Variants in MAGI1 observed in about 807,000 individuals in gnomAD.
MAGI1 encodes the protein membrane associated guanylate kinase, WW and PDZ domain containing 1.
In MAGI1, 58 loss-of-function variants were observed where a neutral mutation model predicts 139.9. That is an observed-to-expected ratio of 0.41 (90% confidence interval 0.34 to 0.52). The LOEUF is 0.52. Among genes scored for constraint, MAGI1 ranks in the 20% least tolerant of loss-of-function variants. The pLI, the probability that MAGI1 is intolerant of heterozygous loss-of-function variation, is 0.12. For synonymous variants in MAGI1, 812 were observed against 737.9 expected (o/e 1.10, Z -1.63); for missense variants, 1,874 against 1,901.6 (o/e 0.99, Z 0.27).
intron 1 of MAGI1, among the ~76,000 whole-genome samples, chr3:65,686,291 TTTTG>T (rs528874310): frequency 2.0e-3 from 310 of 152,146 alleles, no homozygotes; most frequent in African/African-American, 6.5e-3. Context: ...AGGGGTGTTT[TTTTG>T]TTTGTTTGTT....
At chr3:66,021,140 C>T (rs2067937699) in intron 1 of MAGI1, among the ~76,000 whole-genome samples, 1 of 152,126 alleles carries the variant, frequency 6.6e-6, no homozygotes, top group Non-Finnish European at 1.5e-5. Context: ...TAGACACTAG[C>T]CACAAGCAGA....
chr3:65,547,131 C>T (rs1212347563), intron 2 of MAGI1, among the ~76,000 whole-genome samples: 1 of 152,100 alleles, frequency 6.6e-6, no homozygotes. Flanking sequence ...AAACAATAAC[C>T]CCAAGATTTC....
chr3:65,614,128 C>T (rs926544364), intron 2 of MAGI1, among the ~76,000 whole-genome samples: 1 of 152,118 alleles, frequency 6.6e-6, no homozygotes, highest in African/African-American at 2.4e-5. Context: ...TCCACCACAC[C>T]TGAAAGCCCA....
intron 14 of MAGI1, among the ~76,000 whole-genome samples, chr3:65,384,213 T>C (rs1029434021): frequency 2.6e-5 from 4 of 152,242 alleles, no homozygotes; most frequent in African/African-American, 7.2e-5. Flanking sequence ...CAAAAATTAC[T>C]CTAAAACATC....
In MAGI1 at chr3:65,363,504, T is replaced by C. The variant is rs1320600398; in HGVS notation, c.3456A>G (p.Leu1152=). 1.2e-6 allele frequency: 2 copies of C among 1,613,884 alleles called. No individual in the cohort carries two copies. Among genetic ancestry groups the C allele is most frequent in the African/African-American group, 2.7e-5 (2 of 74,920 alleles). ...ACCTCTCCGCAGGACCGTCCTCTGC[T>C]AAGCGCAGAACATAGAGGTCCATGT... The part of the protein sequence containing the change: ...EYNMDLYVLR[L]AEDGPAERCG... Residue 1152 remains leucine (L), a synonymous_variant, in exon 21 of 23, where the codon TTA becomes TTG. Transcript: ENST00000402939.
intron 1 of MAGI1, among the ~76,000 whole-genome samples, chr3:65,895,947 T>C (rs553693261): frequency 5.0e-4 from 76 of 152,274 alleles, no homozygotes; most frequent in African/African-American, 1.6e-3. Context: ...TTGTTCTTTG[T>C]TGGAAACACT....
intron 1 of MAGI1, among the ~76,000 whole-genome samples, chr3:65,737,325 A>C (rs1351931582): frequency 1.3e-5 from 2 of 152,222 alleles, no homozygotes; most frequent in African/African-American, 2.4e-5. Flanking sequence ...TTTAAAATGA[A>C]TGGATGGATG....
rs533907355 is a variant in MAGI1 at position 65,810,923 on chromosome 3, G to C, written c.314-188835C>G. ...CTCCAGGCAGTACCTTCATTACCTT[G>C]CAAGTACATGGCATATAGTAGGTAC... On this transcript the variant is annotated intron_variant, in intron 1 of 22. Transcript: ENST00000402939. Among the ~76,000 whole-genome samples, 117 of 152,262 alleles carry C rather than the reference G, an allele frequency of 7.7e-4. 1 individual carries two copies. Among genetic ancestry groups the C allele is most frequent in the African/African-American group, 2.7e-3 (113 of 41,548 alleles).
intron 8 of MAGI1, among the ~76,000 whole-genome samples, chr3:65,440,962 A>G (rs534008057): frequency 9.2e-5 from 14 of 151,878 alleles, no homozygotes; most frequent in African/African-American, 3.4e-4. Context: ...GTATAAATAT[A>G]CATTATTTAT....
chr3:65,792,083 CACA>C (rs1453930176), intron 1 of MAGI1, among the ~76,000 whole-genome samples: 6 of 151,990 alleles, frequency 3.9e-5, no homozygotes, highest in African/African-American at 7.2e-5. Context: ...ATAAATTAGG[CACA>C]ACAAGAGATT....
At position 65,383,589 on chromosome 3, in the gene MAGI1, C is replaced by T. The variant is rs756501564; in HGVS notation, c.2451G>A (p.Trp817Ter). ...TAAATCCAAATCCAGTCTCTTTTCT[C>T]CAGAGGAAGATGTCCTGTTCCTGGT... ...PDYQEQDIFL[W>*]RKETGFGFRI... Residue 817 changes from tryptophan (W) to a stop codon, truncating the protein, a stop_gained, in exon 15 of 23, where the codon TGG becomes TGA. Transcript: ENST00000402939. LOFTEE classifies it high-confidence loss of function. 6.2e-7 allele frequency: 1 copy of T among 1,613,838 alleles called. No individual in the cohort carries two copies. The highest frequency in any genetic ancestry group is 2.2e-5 in the East Asian group (1 of 44,870).
rs531398892 is a variant in MAGI1 at position 65,360,478 on chromosome 3, G to A, written c.3634+721C>T. Reference sequence around the variant, plus strand: ...GATCATTGCTGTCTACTCAAATCAAGTCTAAAGATATGACAAAGGAACTCT... The same window carrying A: ...GATCATTGCTGTCTACTCAAATCAAATCTAAAGATATGACAAAGGAACTCT... On this transcript the variant is annotated intron_variant, in intron 22 of 22. Coordinates refer to ENST00000402939, the MANE Select transcript of MAGI1 (RefSeq NM_001033057.2). 5 of 984,252 alleles carry A rather than the reference G, an allele frequency of 5.1e-6. No individual in the cohort carries two copies. The South Asian group carries it at 2.4e-4, about 46-fold the overall frequency. The allele number at this position is 984,252 out of a possible 1,614,324, so 61.0% of individuals were successfully genotyped here.
intron 1 of MAGI1, among the ~76,000 whole-genome samples, chr3:65,824,656 C>T (rs1393283011): frequency 6.6e-6 from 1 of 152,216 alleles, no homozygotes; most frequent in Non-Finnish European, 1.5e-5. Flanking sequence ...CAAAGAGACA[C>T]AGTAGCCCTC....
chr3:65,404,205 T>A (rs1027627958), intron 12 of MAGI1, among the ~76,000 whole-genome samples: 1 of 152,218 alleles, frequency 6.6e-6, no homozygotes, highest in Non-Finnish European at 1.5e-5. Flanking sequence ...CATTTTCACA[T>A]ATCACTGATG....
At chr3:65,545,974 T>TCACA (rs926687949) in intron 2 of MAGI1, among the ~76,000 whole-genome samples, 56 of 146,024 alleles carry the variant, frequency 3.8e-4, no homozygotes, top group African/African-American at 1.3e-3. Context: ...GGGTATGATC[T>TCACA]CACACACACA....
intron 1 of MAGI1, among the ~76,000 whole-genome samples, chr3:65,928,784 T>C (rs867571607): frequency 2.4e-4 from 36 of 152,134 alleles, no homozygotes; most frequent in African/African-American, 8.0e-4. Context: ...CAATGAGAGC[T>C]GTTACATAAG....
chr3:65,819,969 G>A (rs993982514), intron 1 of MAGI1, among the ~76,000 whole-genome samples: 12 of 109,612 alleles, frequency 1.1e-4, no homozygotes, highest in Admixed American at 8.3e-4. Flanking sequence ...GCAGAATTAT[G>A]TATCTTTATA....
chr3:65,396,945 T>C (rs1468749730), intron 13 of MAGI1, among the ~76,000 whole-genome samples: 2 of 152,202 alleles, frequency 1.3e-5, no homozygotes, highest in Non-Finnish European at 2.9e-5. Context: ...ACTGACTGGA[T>C]ATGAAAATGG....
At chr3:65,597,925 T>TGGGGGG (rs57059846) in intron 2 of MAGI1, 9 of 396,988 alleles carry the variant, frequency 2.3e-5, no homozygotes, top group Admixed American at 5.4e-5. Context: ...GAGGCGGGGG[T>TGGGGGG]GGGGGGGGGG....
Sources: allele counts gnomAD v4.1 joint callset (sites outside exome capture counted in the v4.1 genomes callset), GRCh38; gene constraint gnomAD v4.1.1; transcripts MANE v1.5; gene names NCBI Gene and HGNC (gene_info 2026-07-23, HGNC 2026-07-21).